PTPRN2: variants seen among roughly 807,000 people sequenced by gnomAD.
The protein encoded by PTPRN2 is receptor-type tyrosine-protein phosphatase N2.
PTPRN2 carries 74 observed loss-of-function variants against 118.8 expected under a neutral mutation model. That is an observed-to-expected ratio of 0.62 (90% CI 0.52 to 0.76). The LOEUF is 0.76. Ranked by LOEUF, PTPRN2 falls within the 30% of genes least tolerant of loss-of-function variation. PTPRN2 has a pLI of 0.00. For synonymous variants in PTPRN2, 641 were observed against 608.0 expected, an observed-to-expected ratio of 1.05 and a Z score of -0.80; for missense variants, 1,481 against 1,394.4, an observed-to-expected ratio of 1.06 and a Z score of -0.99.
At chr7:158,143,061 C>T (rs892128666) in intron 6 of PTPRN2, among the ~76,000 whole-genome samples, 6 of 152,192 alleles carry the variant, frequency 3.9e-5, no homozygotes, top group Admixed American at 6.5e-5. Context: ...TTCTCATTCA[C>T]TGCAGTCTCC....
At chr7:158,116,559 A>G (rs1816744910) in intron 9 of PTPRN2, among the ~76,000 whole-genome samples, 1 of 152,252 alleles carries the variant, frequency 6.6e-6, no homozygotes, top group Admixed American at 6.5e-5. Context: ...CAGGCAATAC[A>G]GATGTTGTCC....
chr7:158,157,885 G>T (rs556616589), intron 6 of PTPRN2, among the ~76,000 whole-genome samples: 1 of 152,342 alleles, frequency 6.6e-6, no homozygotes, highest in East Asian at 1.9e-4. Flanking sequence ...TGTTTCGCTA[G>T]GATGAAAGGC....
chr7:158,128,907 A>C (rs1817919658), intron 9 of PTPRN2, among the ~76,000 whole-genome samples: 1 of 151,838 alleles, frequency 6.6e-6, no homozygotes, highest in Admixed American at 6.6e-5. Flanking sequence ...TCAGGAGAAA[A>C]GAGGGCTCCA....
At chr7:158,540,188 G>T (rs1825903314) in intron 1 of PTPRN2, among the ~76,000 whole-genome samples, 1 of 152,186 alleles carries the variant, frequency 6.6e-6, no homozygotes, top group South Asian at 2.1e-4. Flanking sequence ...GCCTCACTCT[G>T]CATTTCCTCA....
intron 6 of PTPRN2, among the ~76,000 whole-genome samples, chr7:158,143,048 T>C (rs1195364099): frequency 6.6e-6 from 1 of 152,136 alleles, no homozygotes; most frequent in Non-Finnish European, 1.5e-5. Context: ...AGCAACCTTT[T>C]CATTCTCATT....
At chr7:158,098,888 G>C (rs1041596922) in intron 10 of PTPRN2, among the ~76,000 whole-genome samples, 6 of 152,054 alleles carry the variant, frequency 3.9e-5, no homozygotes, top group South Asian at 2.1e-4. Flanking sequence ...GAAGGTGACA[G>C]TGCGGGGTGC....
At chr7:158,528,206 G>C (rs1824933292) in intron 1 of PTPRN2, among the ~76,000 whole-genome samples, 1 of 152,234 alleles carries the variant, frequency 6.6e-6, no homozygotes, top group African/African-American at 2.4e-5. Context: ...GCCTAAACAA[G>C]AGGCTCCCGA....
chr7:157,805,872 G>A (rs1805599357), intron 12 of PTPRN2, among the ~76,000 whole-genome samples: 1 of 152,220 alleles, frequency 6.6e-6, no homozygotes, highest in Admixed American at 6.5e-5. Context: ...GGACCCGAGT[G>A]CTTGGGGCCA....
intron 12 of PTPRN2, among the ~76,000 whole-genome samples, chr7:157,789,491 G>T (rs531324840): frequency 1.3e-5 from 2 of 152,352 alleles, no homozygotes; most frequent in African/African-American, 4.8e-5. Context: ...TCCAGGGTCA[G>T]GTCTCTGCCG....
At chr7:158,305,792 CAAA>C (rs113374723) in intron 3 of PTPRN2, among the ~76,000 whole-genome samples, 7 of 116,214 alleles carry the variant, frequency 6.0e-5, no homozygotes, top group East Asian at 2.5e-4. Context: ...GCAATTTACT[CAAA>C]AAAAAAAAAA....
chr7:157,735,196 G>C (rs764280828), intron 12 of PTPRN2, among the ~76,000 whole-genome samples: 7 of 152,262 alleles, frequency 4.6e-5, no homozygotes, highest in Non-Finnish European at 8.8e-5. Flanking sequence ...CATGTGCACA[G>C]CCACATTGGC....
intron 9 of PTPRN2, among the ~76,000 whole-genome samples, chr7:158,119,182 C>G (rs1437489336): frequency 6.6e-6 from 1 of 152,088 alleles, no homozygotes; most frequent in African/African-American, 2.4e-5. Context: ...AACAAAAATA[C>G]AAACAATACC....
At chr7:157,835,083 T>C (rs1392000589) in intron 12 of PTPRN2, among the ~76,000 whole-genome samples, 1 of 152,074 alleles carries the variant, frequency 6.6e-6, no homozygotes, top group Non-Finnish European at 1.5e-5. Flanking sequence ...AGAGGGAAGA[T>C]AAAAGCCAGC....
In PTPRN2 at chr7:158,308,251, A is replaced by C. The variant is rs1311672878; in HGVS notation, c.277+8568T>G. 2.0e-5 allele frequency among the ~76,000 whole-genome samples: 3 copies of C among 152,356 alleles called. No individual in the cohort carries two copies. In the East Asian group the frequency reaches 5.8e-4, roughly 29 times the overall value. On this transcript the variant is annotated intron_variant, in intron 3 of 22. Coordinates refer to ENST00000389418, the MANE Select transcript of PTPRN2 (RefSeq NM_002847.5). ...TATCAACCAAGAATTCTATATTCAG[A>C]AAATCGATCCTTCAAAACTAAAGGA...
At chr7:158,166,141 A>C (rs1174097985) in intron 6 of PTPRN2, among the ~76,000 whole-genome samples, 1 of 149,686 alleles carries the variant, frequency 6.7e-6, no homozygotes, top group South Asian at 2.1e-4. Context: ...TGCCCGCCCC[A>C]TCCATCAGCT....
intron 9 of PTPRN2, among the ~76,000 whole-genome samples, chr7:158,125,198 A>C (rs1817536652): frequency 7.1e-6 from 1 of 141,754 alleles, no homozygotes; most frequent in South Asian, 2.3e-4. Context: ...TCCCAGGGCC[A>C]CCTCCCTGCC....
chr7:158,471,697 AAAAC>A (rs1197410118), intron 2 of PTPRN2, among the ~76,000 whole-genome samples: 1 of 148,342 alleles, frequency 6.7e-6, no homozygotes, highest in Non-Finnish European at 1.5e-5. Context: ...CAAAAAAACA[AAAAC>A]AAACAAACAA....
At chr7:157,982,132 G>A (rs1347353987) in intron 11 of PTPRN2, among the ~76,000 whole-genome samples, 3 of 129,708 alleles carry the variant, frequency 2.3e-5, no homozygotes, top group African/African-American at 5.6e-5. Flanking sequence ...AATGCAGAGT[G>A]CAGCGTCCCC....
At chr7:157,660,793 C>A (rs1230817557) in intron 13 of PTPRN2, among the ~76,000 whole-genome samples, 4 of 152,164 alleles carry the variant, frequency 2.6e-5, no homozygotes. Flanking sequence ...CTCGCTCTGT[C>A]GCCCAGGCTG....
Sources: allele counts gnomAD v4.1 joint callset (sites outside exome capture counted in the v4.1 genomes callset), GRCh38; gene constraint gnomAD v4.1.1; transcripts MANE v1.5; gene names NCBI Gene and HGNC (gene_info 2026-07-23, HGNC 2026-07-21).